FHIT: variants seen among roughly 807,000 people sequenced by gnomAD.
The protein encoded by FHIT is bis(5'-adenosyl)-triphosphatase.
FHIT carries 19 observed loss-of-function variants against 17.9 expected under a neutral mutation model. The ratio of observed to expected loss-of-function variants is 1.06; its 90% CI spans 0.74 to 1.56. FHIT has a LOEUF of 1.56. Ranked by LOEUF, FHIT falls within the 40% of genes most tolerant of loss-of-function variation. FHIT has a pLI of 0.00. For synonymous variants in FHIT, 81 were observed against 69.7 expected, an observed-to-expected ratio of 1.16 and a Z score of -0.81; for missense variants, 248 against 189.2, an observed-to-expected ratio of 1.31 and a Z score of -1.82.
At chr3:61,026,909 T>G (rs923290697) in intron 3 of FHIT, among the ~76,000 whole-genome samples, 3 of 152,218 alleles carry the variant, frequency 2.0e-5, no homozygotes, top group Admixed American at 2.0e-4. Flanking sequence ...AGTTGCCTAC[T>G]GGAGCTGCCT....
At chr3:60,286,257 A>T (rs213373) in intron 5 of FHIT, among the ~76,000 whole-genome samples, 55,183 of 152,144 alleles carry the variant, frequency 0.36, 11,833 homozygotes, top group Non-Finnish European at 0.48. Flanking sequence ...TGCCACAACA[A>T]TCTTTGACTA....
chr3:59,821,883 A>C (rs1700805838), intron 8 of FHIT, among the ~76,000 whole-genome samples: 2 of 151,952 alleles, frequency 1.3e-5, no homozygotes, highest in African/African-American at 4.8e-5. Flanking sequence ...GATTTGTGAG[A>C]TTTTGGTGCA....
chr3:59,847,585 G>A (rs1701767967), intron 8 of FHIT, among the ~76,000 whole-genome samples: 1 of 152,112 alleles, frequency 6.6e-6, no homozygotes, highest in African/African-American at 2.4e-5. Flanking sequence ...TTTCAGCTCA[G>A]TGTCCATTGG....
intron 4 of FHIT, among the ~76,000 whole-genome samples, chr3:60,673,535 G>A (rs782309395): frequency 1.1e-4 from 17 of 152,030 alleles, no homozygotes; most frequent in African/African-American, 4.1e-4. Context: ...GGGGGGCAGC[G>A]GTGGGAGGGA....
intron 5 of FHIT, among the ~76,000 whole-genome samples, chr3:60,447,699 T>C (rs1388530276): frequency 1.3e-5 from 2 of 152,154 alleles, no homozygotes; most frequent in Non-Finnish European, 2.9e-5. Flanking sequence ...AGTAAGTTTA[T>C]CAGGGAGCAA....
intron 3 of FHIT, among the ~76,000 whole-genome samples, chr3:60,963,736 G>A (rs969221197): frequency 5.9e-5 from 9 of 151,856 alleles, no homozygotes; most frequent in African/African-American, 7.2e-5. Flanking sequence ...GCATTTGAGC[G>A]GTTTTTGAAT....
chr3:60,487,534 A>C (rs1194860939), intron 5 of FHIT, among the ~76,000 whole-genome samples: 1 of 152,186 alleles, frequency 6.6e-6, no homozygotes, highest in Non-Finnish European at 1.5e-5. Context: ...GGTTTGAACA[A>C]AATGCAGATC....
chr3:60,572,139 A>G (rs2037405626), intron 4 of FHIT, among the ~76,000 whole-genome samples: 1 of 152,140 alleles, frequency 6.6e-6, no homozygotes, highest in African/African-American at 2.4e-5. Context: ...TCAAGACCTA[A>G]TCAACCAAAT....
At chr3:60,050,441 T>C (rs184080215) in intron 5 of FHIT, among the ~76,000 whole-genome samples, 2 of 152,160 alleles carry the variant, frequency 1.3e-5, no homozygotes, top group Non-Finnish European at 2.9e-5. Flanking sequence ...CTATAGCACT[T>C]AGAGCAGCAG....
chr3:60,927,729 G>A (rs1553770411), intron 3 of FHIT, among the ~76,000 whole-genome samples: 1 of 151,802 alleles, frequency 6.6e-6, no homozygotes, highest in African/African-American at 2.4e-5. Flanking sequence ...TCTGTGAGGT[G>A]GGCGTGCCCC....
chr3:60,302,169 C>G (rs370707826), intron 5 of FHIT, among the ~76,000 whole-genome samples: 1 of 152,020 alleles, frequency 6.6e-6, no homozygotes, highest in South Asian at 2.1e-4. Context: ...TTTATGTTTT[C>G]CTTTTTGAAG....
chr3:60,192,086 A>T (rs1227640202), intron 5 of FHIT, among the ~76,000 whole-genome samples: 1 of 151,972 alleles, frequency 6.6e-6, no homozygotes, highest in Non-Finnish European at 1.5e-5. Flanking sequence ...CCCTGTCTCT[A>T]CCAAAAATAT....
chr3:60,578,883 A>C (rs569797680), intron 4 of FHIT, among the ~76,000 whole-genome samples: 1 of 152,290 alleles, frequency 6.6e-6, no homozygotes, highest in African/African-American at 2.4e-5. Flanking sequence ...AATTCCTAGG[A>C]AACATTTTCT....
intron 1 of FHIT, among the ~76,000 whole-genome samples, chr3:61,215,148 T>A (rs960558271): frequency 6.6e-6 from 1 of 151,934 alleles, no homozygotes; most frequent in African/African-American, 2.4e-5. Context: ...GTGTTGGAAG[T>A]TCTGGCCAGG....
chr3:60,210,148 C>T (rs931140271), intron 5 of FHIT, among the ~76,000 whole-genome samples: 10 of 151,902 alleles, frequency 6.6e-5, no homozygotes, highest in Non-Finnish European at 1.2e-4. Flanking sequence ...AAGATAAACC[C>T]AAGTGAATGG....
Position 60,012,261 on chromosome 3 carries a change from T to C in FHIT, c.250-861A>G, listed in dbSNP as rs951115658. Among the ~76,000 whole-genome samples, 4 of 137,994 alleles carry C rather than the reference T, an allele frequency of 2.9e-5. No homozygotes were observed. The South Asian group carries it at 6.8e-4, about 24-fold the overall frequency. 90.5% of individuals were successfully genotyped at this position (137,994 alleles called of 152,430 possible). A position where few individuals can be genotyped will look rare whatever the true frequency, so the allele number is the denominator to read the frequency against. ...AAACAATGTAAATCAGGTGTTTTTT[T>C]TGTTGTTTTTTTTTTTTTTTTTTTT... On this transcript the variant is annotated intron_variant, in intron 6 of 9. Coordinates refer to ENST00000492590, the MANE Select transcript of FHIT (RefSeq NM_002012.4).
At chr3:60,273,379 C>G (rs148267894) in intron 5 of FHIT, among the ~76,000 whole-genome samples, 2 of 151,964 alleles carry the variant, frequency 1.3e-5, no homozygotes, top group African/African-American at 2.4e-5. Flanking sequence ...GAGGCCGAGG[C>G]GGGTGGATCA....
chr3:60,727,806 A>T (rs1367418512), intron 4 of FHIT, among the ~76,000 whole-genome samples: 1 of 152,174 alleles, frequency 6.6e-6, no homozygotes, highest in Non-Finnish European at 1.5e-5. Context: ...GATAGAGACC[A>T]TCCTGGCTAA....
chr3:60,182,766 G>C (rs1369784369), intron 5 of FHIT, among the ~76,000 whole-genome samples: 2 of 152,098 alleles, frequency 1.3e-5, no homozygotes, highest in East Asian at 3.9e-4. Context: ...CTGGGTGACA[G>C]AGTGAGACCC....
Sources: allele counts gnomAD v4.1 joint callset (sites outside exome capture counted in the v4.1 genomes callset), GRCh38; gene constraint gnomAD v4.1.1; transcripts MANE v1.5; gene names NCBI Gene and HGNC (gene_info 2026-07-23, HGNC 2026-07-21).